The following PCDHGB7 variants were observed in gnomAD, a reference collection of about 807,000 sequenced individuals.
PCDHGB7 encodes the protein protocadherin gamma subfamily B, 7.
In PCDHGB7, 37 loss-of-function variants were observed where a neutral mutation model predicts 61.4. That is an observed-to-expected ratio of 0.60 (90% confidence interval 0.46 to 0.79). The LOEUF (loss-of-function observed/expected upper bound fraction) is 0.79. PCDHGB7 is among the 30% of genes least tolerant of loss of function. The probability of loss-of-function intolerance (pLI) is 0.00; values close to 1 mark genes in which losing one functional copy is unlikely to be tolerated. For missense variants in PCDHGB7, 1,166 were observed against 1,202.5 expected (o/e 0.97, Z 0.45); for synonymous variants, 464 against 503.5 (o/e 0.92, Z 1.05).
Position 141,420,191 on chromosome 5 carries a change from CAAGAT to C in PCDHGB7, c.2335_2339del (p.Asp779ProfsTer5). 6.2e-7 allele frequency: 1 copy of C among 1,613,720 alleles called. No homozygotes were observed. The highest frequency in any genetic ancestry group is 8.5e-7 in the Non-Finnish European group (1 of 1,179,640). On this transcript the variant is annotated frameshift_variant, in exon 1 of 4. Coordinates refer to ENST00000398594, the MANE Select transcript of PCDHGB7 (RefSeq NM_018927.4). LOFTEE classifies it high-confidence loss of function. ...ATCTGTTGATCATTGTCCAGCCACA[CAAGAT>C]AACCTCAACAAAGATAGCATGCTAC...
At chr5:141,436,347 CT>C (rs1402378657) in intron 1 of PCDHGB7, among the ~76,000 whole-genome samples, 1 of 152,118 alleles carries the variant, frequency 6.6e-6, no homozygotes, top group African/African-American at 2.4e-5. Context: ...ATATCAGTGA[CT>C]TCAATCAACT....
chr5:141,432,823 C>A lies in PCDHGB7; in HGVS notation c.2415+12549C>A. 1 of 1,614,184 alleles carries A rather than the reference C, an allele frequency of 6.2e-7. No homozygotes were observed. Among genetic ancestry groups the A allele is most frequent in the Non-Finnish European group, 8.5e-7 (1 of 1,180,004 alleles). On this transcript the variant is annotated intron_variant, in intron 1 of 3. Transcript: ENST00000398594. The surrounding 1 kb of genome is among the most constrained non-coding windows in gnomAD (Gnocchi z 6.0). ...CTCCAGCTAACTCTGAAACCTCAGA[C>A]CTCACTCTGTACCTGGTGGTAGCGG...
intron 1 of PCDHGB7, chr5:141,430,515 G>A (rs1016446331): frequency 2.1e-5 from 7 of 340,180 alleles, no homozygotes; most frequent in Admixed American, 1.8e-4. Flanking sequence ...TCAAGATTGT[G>A]CAGTAATTGG....
intron 1 of PCDHGB7, chr5:141,423,253 C>T (rs750278899): frequency 6.2e-7 from 1 of 1,613,916 alleles, no homozygotes; most frequent in Non-Finnish European, 8.5e-7. Flanking sequence ...CCTGGCGGAC[C>T]TCGGCAGCCT....
In PCDHGB7 at chr5:141,432,866, G is replaced by C. The variant is rs139832920; in HGVS notation, c.2415+12592G>C. 8 of 1,614,152 alleles carry C rather than the reference G, an allele frequency of 5.0e-6. No individual in the cohort carries two copies. Among genetic ancestry groups the C allele is most frequent in the South Asian group, 2.2e-5 (2 of 91,074 alleles). On this transcript the variant is annotated intron_variant, in intron 1 of 3. Coordinates refer to ENST00000398594, the MANE Select transcript of PCDHGB7 (RefSeq NM_018927.4). The surrounding 1 kb of genome is among the most constrained non-coding windows in gnomAD (Gnocchi z 6.0). ...GGTAGCGGTGGCCGCGGTCTCCTGC[G>C]TCTTCCTGGCCTTCGTCATCTTGCT...
At chr5:141,508,664 T>C (rs1381178258) in intron 3 of PCDHGB7, among the ~76,000 whole-genome samples, 1 of 152,030 alleles carries the variant, frequency 6.6e-6, no homozygotes, top group Non-Finnish European at 1.5e-5. Context: ...TGTCATTCTG[T>C]CTCTGCCTCC....
rs753581561 is a variant in PCDHGB7, at chr5:141,485,195, T to G, written c.2416-9612T>G. 2.2e-5 allele frequency: 36 copies of G among 1,613,912 alleles called. No homozygotes were observed. Among genetic ancestry groups the G allele is most frequent in the Non-Finnish European group, 1.4e-5 (16 of 1,179,906 alleles). ...AGCAATGCTCCGCAAGGTGAGAAGC[T>G]GGACAGAAATCTGGCGGTGGGCTAC... is the stretch of plus-strand genomic sequence containing the variant. On this transcript the variant is annotated intron_variant, in intron 1 of 3. Transcript: ENST00000398594. The surrounding 1 kb of genome is among the most constrained non-coding windows in gnomAD (Gnocchi z 5.7).
intron 1 of PCDHGB7, among the ~76,000 whole-genome samples, chr5:141,463,736 G>A (rs757788192): frequency 1.3e-5 from 2 of 151,992 alleles, no homozygotes; most frequent in East Asian, 3.9e-4. Flanking sequence ...ATGAGCCACC[G>A]CGCCCGGCCT....
rs2096260396 is a variant in PCDHGB7 at position 141,418,454 on chromosome 5, ACTCTG to A, written c.596_600del (p.Thr199ArgfsTer37). On this transcript the variant is annotated frameshift_variant, in exon 1 of 4. Transcript: ENST00000398594. LOFTEE classifies it high-confidence loss of function. ...ATATCCAGAATTAGTATTGCAGAAGACTCTGGACCGAGAAACGCAGAGCGCTCACC... is the reference window on the plus strand; with the variant it reads ...ATATCCAGAATTAGTATTGCAGAAGAGACCGAGAAACGCAGAGCGCTCACC... 5 of 1,613,892 alleles carry A rather than the reference ACTCTG, an allele frequency of 3.1e-6. No individual in the cohort carries two copies. Among genetic ancestry groups the A allele is most frequent in the Non-Finnish European group, 4.2e-6 (5 of 1,179,858 alleles).
At chr5:141,501,606 G>A (rs2099810134) in intron 2 of PCDHGB7, among the ~76,000 whole-genome samples, 1 of 152,012 alleles carries the variant, frequency 6.6e-6, no homozygotes, top group African/African-American at 2.4e-5. Flanking sequence ...AGTTCCAGCT[G>A]TGTGACTCTG....
Position 141,476,782 on chromosome 5 carries a change from A to T in PCDHGB7, c.2416-18025A>T. On this transcript the variant is annotated intron_variant, in intron 1 of 3. Coordinates refer to ENST00000398594, the MANE Select transcript of PCDHGB7 (RefSeq NM_018927.4). The surrounding 1 kb of genome is among the most constrained non-coding windows in gnomAD (Gnocchi z 7.6). ...TGACGGCGTTGGACGGAGGGACCCCAGCTCTCTCCGCCAGCCTGCCTATTC... is the reference window on the plus strand; with the variant it reads ...TGACGGCGTTGGACGGAGGGACCCCTGCTCTCTCCGCCAGCCTGCCTATTC... 6.2e-7 allele frequency: 1 copy of T among 1,613,568 alleles called. No individual in the cohort carries two copies. The highest frequency in any genetic ancestry group is 8.5e-7 in the Non-Finnish European group (1 of 1,179,996).
At chr5:141,420,817 A>G (rs547074952) in intron 1 of PCDHGB7, among the ~76,000 whole-genome samples, 2 of 152,354 alleles carry the variant, frequency 1.3e-5, no homozygotes, top group South Asian at 2.1e-4. Flanking sequence ...AGCCCTTTTA[A>G]TAATTACTCC....
intron 1 of PCDHGB7, chr5:141,423,427 G>A: frequency 1.2e-6 from 2 of 1,614,010 alleles, no homozygotes; most frequent in Non-Finnish European, 1.7e-6. Flanking sequence ...AGGCGGGTTG[G>A]CAGGTATGCC....
In PCDHGB7 at chr5:141,490,347, G is replaced by T; in HGVS notation, c.2416-4460G>T. On this transcript the variant is annotated intron_variant, in intron 1 of 3. Coordinates refer to ENST00000398594, the MANE Select transcript of PCDHGB7 (RefSeq NM_018927.4). This position sits in a 1 kb window ranked among gnomAD's most constrained non-coding sequence, Gnocchi z 5.4. ...AGAGCACACCAGTGGGCACAGTAGT[G>T]GGGTTGTTTAATGTGCGAGACCGGG... 1 of 1,614,180 alleles carries T rather than the reference G, an allele frequency of 6.2e-7. No homozygotes were observed.
At chr5:141,439,780 T>G (rs1023743000) in intron 1 of PCDHGB7, 1 of 152,228 alleles carries the variant, frequency 6.6e-6, no homozygotes, top group African/African-American at 2.4e-5. Context: ...TGGCTGGAGA[T>G]TCTATAATCC....
At chr5:141,427,856 C>T (rs1487451079) in intron 1 of PCDHGB7, 6 of 1,553,060 alleles carry the variant, frequency 3.9e-6, no homozygotes, top group Non-Finnish European at 5.3e-6. Flanking sequence ...AGCAGCTGTG[C>T]GCCTTCGAGC....
chr5:141,486,361 C>T lies in PCDHGB7; in HGVS notation c.2416-8446C>T. 1.2e-6 allele frequency: 2 copies of T among 1,614,086 alleles called. No individual in the cohort carries two copies. The highest frequency in any genetic ancestry group is 1.7e-6 in the Non-Finnish European group (2 of 1,179,994). On this transcript the variant is annotated intron_variant, in intron 1 of 3. Coordinates refer to ENST00000398594, the MANE Select transcript of PCDHGB7 (RefSeq NM_018927.4). This position sits in a 1 kb window ranked among gnomAD's most constrained non-coding sequence, Gnocchi z 5.0. ...GCATTCCTGACCACTTGCCATTTGCCCTCAAGTCTGCCTTCAGGAACCAGT... is the reference window on the plus strand; with the variant it reads ...GCATTCCTGACCACTTGCCATTTGCTCTCAAGTCTGCCTTCAGGAACCAGT...
chr5:141,467,764 TGCCCGCACCTCA>T (rs544344217), intron 1 of PCDHGB7, among the ~76,000 whole-genome samples: 90 of 152,158 alleles, frequency 5.9e-4, no homozygotes, highest in South Asian at 1.0e-3. Context: ...CATGCTCAAG[TGCCCGCACCTCA>T]GCCTCTCAAG....
intron 1 of PCDHGB7, among the ~76,000 whole-genome samples, chr5:141,444,732 A>G (rs2098445644): frequency 6.6e-6 from 1 of 152,194 alleles, no homozygotes; most frequent in Admixed American, 6.6e-5. Context: ...CTTTGTTGAA[A>G]GTCATTTCAC....
Sources: gnomAD v4.1 joint callset for allele counts (sites outside exome capture counted in the v4.1 genomes callset) on GRCh38, gnomAD v4.1.1 for gene constraint, Gnocchi (gnomAD v3.1) non-coding constraint, MANE v1.5 for transcripts, NCBI Gene and HGNC (gene_info 2026-07-23, HGNC 2026-07-21) for gene names.